The following CELF5 variants were observed in gnomAD, a reference collection of about 807,000 sequenced individuals.
The protein encoded by CELF5 is CUGBP Elav-like family member 5.
CELF5 carries 6 observed loss-of-function variants against 54.9 expected under a neutral mutation model. That is an observed-to-expected ratio of 0.11 (90% CI 0.06 to 0.22). The LOEUF (loss-of-function observed/expected upper bound fraction) is 0.22. CELF5 is among the 10% of genes least tolerant of loss of function. CELF5 has a pLI of 1.00. For missense variants in CELF5, 401 were observed against 678.6 expected (o/e 0.59, Z 4.54); for synonymous variants, 271 against 290.9 (o/e 0.93, Z 0.70).
intron 2 of CELF5, among the ~76,000 whole-genome samples, chr19:3,252,970 G>C (rs1051494601): frequency 8.6e-5 from 13 of 151,934 alleles, no homozygotes; most frequent in Admixed American, 6.6e-4. Flanking sequence ...GGCATGGAAG[G>C]GCACTCCAGG....
At chr19:3,254,099 C>T (rs1177441686) in intron 2 of CELF5, among the ~76,000 whole-genome samples, 1 of 152,136 alleles carries the variant, frequency 6.6e-6, no homozygotes, top group Non-Finnish European at 1.5e-5. Flanking sequence ...GCCACGAAAC[C>T]TCATGCCCTT....
intron 1 of CELF5, among the ~76,000 whole-genome samples, chr19:3,227,481 C>T (rs1916991534): frequency 6.6e-6 from 1 of 152,058 alleles, no homozygotes; most frequent in East Asian, 1.9e-4. Context: ...GACCCCAGGC[C>T]TGGAGAGAAA....
chr19:3,293,238 C>T (rs1000646443), intron 11 of CELF5, 81 bp from the exon 12 acceptor site: 298 of 1,573,910 alleles, frequency 1.9e-4, no homozygotes, highest in Non-Finnish European at 2.4e-4. Flanking sequence ...CCCCGTGAGC[C>T]GGGAAGCCAG....
chr19:3,232,892 T>C (rs1917335300), intron 1 of CELF5, among the ~76,000 whole-genome samples: 1 of 151,986 alleles, frequency 6.6e-6, no homozygotes, highest in African/African-American at 2.4e-5. Context: ...CTGACCAACA[T>C]GGAGAAACCC....
rs2079620225 is a variant in CELF5 at position 3,249,625 on chromosome 19, CCG to C, written c.260-1359_260-1358del. 2.0e-5 allele frequency among the ~76,000 whole-genome samples: 3 copies of C among 151,902 alleles called. No homozygotes were observed. In the East Asian group the frequency reaches 5.8e-4, roughly 30 times the overall value. ...AATCCCAGCCTCACTCTGGGCCACTCCGGGGCTGGCCCCGCCCCTCACCTCTC... is the reference window on the plus strand; with the variant it reads ...AATCCCAGCCTCACTCTGGGCCACTCGGGCTGGCCCCGCCCCTCACCTCTC... On this transcript the variant is annotated intron_variant, in intron 1 of 12. Transcript: ENST00000292672.
At chr19:3,241,428 T>C (rs1726737989) in intron 1 of CELF5, among the ~76,000 whole-genome samples, 1 of 151,972 alleles carries the variant, frequency 6.6e-6, no homozygotes, top group African/African-American at 2.4e-5. Flanking sequence ...GGGTGCAGAT[T>C]GCCAATCACT....
At position 3,227,775 on chromosome 19, in the gene CELF5, G is replaced by A. The variant is rs377246085; in HGVS notation, c.259+2777G>A. 4.9e-4 allele frequency among the ~76,000 whole-genome samples: 75 copies of A among 152,184 alleles called. 1 individual carries two copies. The highest frequency in any genetic ancestry group is 7.5e-4 in the African/African-American group (31 of 41,508). ...ACATACCCTGGGTCCCACATTTACC[G>A]GAGCTAGGCCCCCATTACCCCCCCT... On this transcript the variant is annotated intron_variant, in intron 1 of 12. Transcript: ENST00000292672.
rs1470396276 is a variant in CELF5, at chr19:3,275,103, C to A, written c.395-753C>A. Reference sequence around the variant, plus strand: ...CCCCATGAGTGACAGCTGCCGAGAGCGGTTTCCATAGTAACCCAGCTCACC... The same window carrying A: ...CCCCATGAGTGACAGCTGCCGAGAGAGGTTTCCATAGTAACCCAGCTCACC... On this transcript the variant is annotated intron_variant, in intron 3 of 12. Transcript: ENST00000292672. The surrounding 1 kb of genome is among the most constrained non-coding windows in gnomAD (Gnocchi z 6.7). Among the ~76,000 whole-genome samples the A allele has an allele frequency of 2.0e-5, 3 of 152,102 alleles. No individual in the cohort carries two copies. The highest frequency in any genetic ancestry group is 6.6e-5 in the Admixed American group (1 of 15,246).
chr19:3,249,781 G>C (rs1191847430), intron 1 of CELF5, among the ~76,000 whole-genome samples: 4 of 152,220 alleles, frequency 2.6e-5, no homozygotes, highest in Admixed American at 1.3e-4. Context: ...GAGGCCCAGA[G>C]AGGGGGAGCG....
At chr19:3,279,154 C>A (rs1402042376) in intron 5 of CELF5, among the ~76,000 whole-genome samples, 1 of 151,370 alleles carries the variant, frequency 6.6e-6, no homozygotes, top group Admixed American at 6.6e-5. Flanking sequence ...GAGCTGGGGC[C>A]AGGTGGACAG....
At position 3,297,034 on chromosome 19, in the gene CELF5, A is replaced by AAC. The variant is rs962249105; in HGVS notation, c.*318_*319insCA. On this transcript the variant is annotated 3_prime_UTR_variant, in exon 13 of 13. Transcript: ENST00000292672. Reference sequence around the variant, plus strand: ...GTCTGGAGAAAAAAAAAAAAAAAAAAAAACAACTAAAAATTTATTTAATAA... The same window carrying AAC: ...GTCTGGAGAAAAAAAAAAAAAAAAAAACAAACAACTAAAAATTTATTTAATAA... The AAC allele has an allele frequency of 1.3e-5, 2 of 151,530 alleles. No individual in the cohort carries two copies. Among genetic ancestry groups the AAC allele is most frequent in the African/African-American group, 2.4e-5 (1 of 41,326 alleles). The allele number at this position is 151,530 out of a possible 1,614,324, so 9.4% of individuals were successfully genotyped here. A position where few individuals can be genotyped will look rare whatever the true frequency, so the allele number is the denominator to read the frequency against.
At chr19:3,284,998 T>TGGCCCCGCCCCCCCCCAG in intron 9 of CELF5, 34 bp downstream of exon 9, 1 of 1,504,258 alleles carries the variant, frequency 6.6e-7, no homozygotes, top group Non-Finnish European at 9.1e-7. Context: ...CGCTGGGCCC[T>TGGCCCCGCCCCCCCCCAG]GGCCCCGCCC....
At chr19:3,259,049 G>A (rs544913126) in intron 2 of CELF5, among the ~76,000 whole-genome samples, 2 of 152,304 alleles carry the variant, frequency 1.3e-5, no homozygotes, top group South Asian at 4.1e-4. Flanking sequence ...AGTGAAGGGT[G>A]GACAGGGTGG....
At chr19:3,266,769 G>A (rs1044797879) in intron 2 of CELF5, among the ~76,000 whole-genome samples, 7 of 152,182 alleles carry the variant, frequency 4.6e-5, no homozygotes, top group Admixed American at 2.6e-4. Context: ...CAGCCTTTTG[G>A]AGTGAGAATG....
intron 4 of CELF5, among the ~76,000 whole-genome samples, chr19:3,276,518 G>A (rs2080055872): frequency 6.6e-6 from 1 of 151,398 alleles, no homozygotes; most frequent in African/African-American, 2.4e-5. Flanking sequence ...AGCATATAGG[G>A]GGTGGGGCTG....
chr19:3,259,019 G>T (rs1018565453), intron 2 of CELF5, among the ~76,000 whole-genome samples: 2 of 152,170 alleles, frequency 1.3e-5, no homozygotes, highest in African/African-American at 4.8e-5. Context: ...GGAGAAGCAG[G>T]CAGCCTGCGT....
In CELF5 at chr19:3,289,336, G is replaced by A. The variant is rs200929176; in HGVS notation, c.1187-895G>A. On this transcript the variant is annotated intron_variant, in intron 10 of 12. Transcript: ENST00000292672. ...CTTGGGAGTCTGAGGAAGGAGGATCGGTTGAGCCCAGGAGTTCCAGATTAG... is the reference window on the plus strand; with the variant it reads ...CTTGGGAGTCTGAGGAAGGAGGATCAGTTGAGCCCAGGAGTTCCAGATTAG... Among the ~76,000 whole-genome samples the A allele has an allele frequency of 3.7e-4, 57 of 152,186 alleles. 1 individual carries two copies. The East Asian group carries it at 7.5e-3, about 20-fold the overall frequency.
intron 10 of CELF5, among the ~76,000 whole-genome samples, chr19:3,287,929 G>A (rs2080281203): frequency 6.6e-6 from 1 of 152,180 alleles, no homozygotes; most frequent in Admixed American, 6.5e-5. Context: ...GAATGTGCAC[G>A]TGGAAACGGC....
chr19:3,245,179 CGT>C (rs1292392840), intron 1 of CELF5, among the ~76,000 whole-genome samples: 3 of 124,572 alleles, frequency 2.4e-5, no homozygotes, highest in East Asian at 2.6e-4. Flanking sequence ...TGTGTCTTTG[CGT>C]GTGTGTGTGG....
Sources: gnomAD v4.1 joint callset for allele counts (sites outside exome capture counted in the v4.1 genomes callset) on GRCh38, gnomAD v4.1.1 for gene constraint, Gnocchi (gnomAD v3.1) non-coding constraint, MANE v1.5 for transcripts, NCBI Gene and HGNC (gene_info 2026-07-23, HGNC 2026-07-21) for gene names.